The following GCH1 variants were observed in gnomAD, a reference collection of about 807,000 sequenced individuals.
GCH1 encodes the protein GTP cyclohydrolase I.
Under a neutral mutation model 25.9 loss-of-function variants are expected in GCH1, and 5 were observed. The ratio of observed to expected loss-of-function variants is 0.19; its 90% CI spans 0.10 to 0.41. GCH1 has a LOEUF of 0.41. Among genes scored for constraint, GCH1 ranks in the 10% least tolerant of loss-of-function variants. The pLI, the probability that GCH1 is intolerant of heterozygous loss-of-function variation, is 1.00. For missense variants in GCH1, 261 were observed against 336.5 expected (o/e 0.78, Z 1.75); for synonymous variants, 159 against 129.6 (o/e 1.23, Z -1.54).
chr14:54,862,760 G>A lies in GCH1; in HGVS notation c.453+2567C>T, dbSNP rs1016271460. On this transcript the variant is annotated intron_variant, in intron 2 of 5. Transcript: ENST00000491895. ...GTAAGCCACCGTGCCCAGCCCTTAC[G>A]AACTACTTTTATCAGAAATGTTTAG... is the stretch of plus-strand genomic sequence containing the variant. Among the ~76,000 whole-genome samples the A allele has an allele frequency of 5.9e-5, 9 of 151,464 alleles. 1 individual carries two copies. Among genetic ancestry groups the A allele is most frequent in the African/African-American group, 1.9e-4 (8 of 41,172 alleles).
At chr14:54,877,166 A>T (rs1381071368) in intron 1 of GCH1, among the ~76,000 whole-genome samples, 1 of 152,226 alleles carries the variant, frequency 6.6e-6, no homozygotes, top group African/African-American at 2.4e-5. Context: ...TACCATCTGT[A>T]GGTAATAAGA....
chr14:54,843,735 C>T lies in GCH1; in HGVS notation c.*282G>A. 1 of 1,613,468 alleles carries T rather than the reference C, an allele frequency of 6.2e-7. No individual in the cohort carries two copies. Among genetic ancestry groups the T allele is most frequent in the South Asian group, 1.1e-5 (1 of 90,758 alleles). The stretch of plus-strand genomic sequence containing the variant: ...AAAAATACACTAATTCTTCTCCCTT[C>T]CCAGGCCCCTCTGGTTATCTGGCAG... On this transcript the variant is annotated 3_prime_UTR_variant, in exon 6 of 6. Coordinates refer to ENST00000491895, the MANE Select transcript of GCH1 (RefSeq NM_000161.3).
At chr14:54,875,731 A>C (rs1167189070) in intron 1 of GCH1, among the ~76,000 whole-genome samples, 1 of 152,216 alleles carries the variant, frequency 6.6e-6, no homozygotes, top group East Asian at 1.9e-4. Context: ...ATGCAGCCAA[A>C]AGACACATGA....
chr14:54,843,880 T>G lies in GCH1; in HGVS notation c.*137A>C, dbSNP rs1222034691. 1 of 1,607,620 alleles carries G rather than the reference T, an allele frequency of 6.2e-7. No homozygotes were observed. Among genetic ancestry groups the G allele is most frequent in the South Asian group, 1.1e-5 (1 of 90,678 alleles). ...TATTTATTTGACTTCCTAGAAATAA[T>G]TTTAAATATAATTAGTGACAAGGAA... On this transcript the variant is annotated 3_prime_UTR_variant, in exon 6 of 6. Coordinates refer to ENST00000491895, the MANE Select transcript of GCH1 (RefSeq NM_000161.3).
chr14:54,902,037 C>T (rs1426626240), intron 1 of GCH1, among the ~76,000 whole-genome samples: 1 of 152,156 alleles, frequency 6.6e-6, no homozygotes, highest in African/African-American at 2.4e-5. Context: ...CCACGCCCAC[C>T]CGGGGCGTTC....
Position 54,843,825 on chromosome 14 carries a change from G to C in GCH1, c.*192C>G, listed in dbSNP as rs1474584842. On this transcript the variant is annotated 3_prime_UTR_variant, in exon 6 of 6. Transcript: ENST00000491895. Reference sequence around the variant, plus strand: ...TAATATTGCCACAAAAAGGTGGCAAGAAGAAAGTAGAGGGCTCAACCCTTT... The same window carrying C: ...TAATATTGCCACAAAAAGGTGGCAACAAGAAAGTAGAGGGCTCAACCCTTT... 1.9e-6 allele frequency: 3 copies of C among 1,612,940 alleles called. No homozygotes were observed. The Admixed American group carries it at 5.0e-5, about 27-fold the overall frequency.
At chr14:54,873,032 C>T (rs1253722316) in intron 1 of GCH1, among the ~76,000 whole-genome samples, 1 of 151,946 alleles carries the variant, frequency 6.6e-6, no homozygotes, top group Non-Finnish European at 1.5e-5. Flanking sequence ...CTCTCCACCC[C>T]AAATCAACAG....
In GCH1 at chr14:54,855,505, C is replaced by CAAAAAA. The variant is rs764999718; in HGVS notation, c.509+4170_509+4175dup. 1.2e-3 allele frequency among the ~76,000 whole-genome samples: 42 copies of CAAAAAA among 36,414 alleles called. 1 individual carries two copies. Among genetic ancestry groups the CAAAAAA allele is most frequent in the African/African-American group, 1.8e-3 (10 of 5,646 alleles). 23.9% of individuals were successfully genotyped at this position (36,414 alleles called of 152,430 possible). A position where few individuals can be genotyped will look rare whatever the true frequency, so the allele number is the denominator to read the frequency against. ...TGGGCGACAGAGAAAGACCCTGTCT[C>CAAAAAA]AAAAAAAAAAAAAAAAAAAAAAAAG... On this transcript the variant is annotated intron_variant, in intron 3 of 5. Coordinates refer to ENST00000491895, the MANE Select transcript of GCH1 (RefSeq NM_000161.3).
rs1245973875 is a variant in GCH1, at chr14:54,880,684, TATATACTC to T, written c.344-15256_344-15249del. Among the ~76,000 whole-genome samples, 4 of 1,510 alleles carry T rather than the reference TATATACTC, an allele frequency of 2.6e-3. 1 individual carries two copies. The highest frequency in any genetic ancestry group is 0.17 in the East Asian group (1 of 6). The allele number at this position is 1,510 out of a possible 152,430, so 1.0% of individuals were successfully genotyped here. On this transcript the variant is annotated intron_variant, in intron 1 of 5. Transcript: ENST00000491895. ...TCCATATATATATATACTCCATATA[TATATACTC>T]ATATATATATACTCCATATATATAT...
chr14:54,858,620 A>G (rs2039850009), intron 3 of GCH1, among the ~76,000 whole-genome samples: 1 of 152,024 alleles, frequency 6.6e-6, no homozygotes, highest in South Asian at 2.1e-4. Flanking sequence ...TATGGTCACT[A>G]TAACCTCAAG....
intron 1 of GCH1, among the ~76,000 whole-genome samples, chr14:54,879,420 CAAAAAAAAA>C (rs34163543): frequency 5.0e-5 from 3 of 59,884 alleles, no homozygotes; most frequent in African/African-American, 5.2e-5. Flanking sequence ...GTCCCTGTCT[CAAAAAAAAA>C]AAAAAAAAAA....
chr14:54,896,197 G>A (rs2040481191), intron 1 of GCH1, among the ~76,000 whole-genome samples: 1 of 152,160 alleles, frequency 6.6e-6, no homozygotes, highest in African/African-American at 2.4e-5. Flanking sequence ...CTGTTTACAA[G>A]CACAGAAAAG....
intron 1 of GCH1, among the ~76,000 whole-genome samples, chr14:54,876,941 T>C (rs990674550): frequency 6.6e-6 from 1 of 152,166 alleles, no homozygotes; most frequent in African/African-American, 2.4e-5. Flanking sequence ...ATGTAAATGT[T>C]TTACATACTC....
chr14:54,902,308 C>T lies in GCH1; in HGVS notation c.343+13G>A. ...GCCGCCCGCACGCTCTAGCAGCCCGCGGGCGCACTGACCTGAGATGGTCTC... is the reference window on the plus strand; with the variant it reads ...GCCGCCCGCACGCTCTAGCAGCCCGTGGGCGCACTGACCTGAGATGGTCTC... On this transcript the variant is annotated intron_variant, in intron 1 of 5. Coordinates refer to ENST00000491895, the MANE Select transcript of GCH1 (RefSeq NM_000161.3). 1 of 1,611,108 alleles carries T rather than the reference C, an allele frequency of 6.2e-7. No individual in the cohort carries two copies. Among genetic ancestry groups the T allele is most frequent in the Non-Finnish European group, 8.5e-7 (1 of 1,179,332 alleles).
At chr14:54,894,577 G>A (rs976367195) in intron 1 of GCH1, among the ~76,000 whole-genome samples, 1 of 152,172 alleles carries the variant, frequency 6.6e-6, no homozygotes. Flanking sequence ...GCTTGCTATA[G>A]TGAAGTTATG....
intron 1 of GCH1, among the ~76,000 whole-genome samples, chr14:54,866,377 A>G (rs1053950583): frequency 2.6e-5 from 4 of 152,146 alleles, no homozygotes; most frequent in Non-Finnish European, 5.9e-5. Context: ...TATGACATGG[A>G]AACTTCTTCA....
chr14:54,896,748 TA>T (rs928176000), intron 1 of GCH1, among the ~76,000 whole-genome samples: 6 of 147,690 alleles, frequency 4.1e-5, no homozygotes, highest in Admixed American at 6.8e-5. Context: ...CCATCTCTAC[TA>T]AAAAAATACA....
chr14:54,857,954 C>T (rs920309494), intron 3 of GCH1, among the ~76,000 whole-genome samples: 1 of 152,166 alleles, frequency 6.6e-6, no homozygotes, highest in Non-Finnish European at 1.5e-5. Flanking sequence ...TTCATGGTGC[C>T]AAGCAGCCCT....
chr14:54,852,308 A>G (rs374873226), intron 3 of GCH1, among the ~76,000 whole-genome samples: 5 of 152,368 alleles, frequency 3.3e-5, no homozygotes, highest in South Asian at 4.1e-4. Context: ...AATGTGAGTG[A>G]TACATACATT....
Sources: allele counts gnomAD v4.1 joint callset (sites outside exome capture counted in the v4.1 genomes callset), GRCh38; gene constraint gnomAD v4.1.1; transcripts MANE v1.5; gene names NCBI Gene and HGNC (gene_info 2026-07-23, HGNC 2026-07-21).